SCHIP1: variants seen among roughly 807,000 people sequenced by gnomAD.
SCHIP1 encodes schwannomin-interacting protein 1.
SCHIP1 carries 8 observed loss-of-function variants against 29.7 expected under a neutral mutation model. The observed-to-expected ratio is 0.27, with a 90% CI of 0.16 to 0.49. The LOEUF (loss-of-function observed/expected upper bound fraction) is 0.49, where lower values mean the gene tolerates loss of function less well. Ranked by LOEUF, SCHIP1 falls within the 20% of genes least tolerant of loss-of-function variation. The pLI is 0.99. For missense variants in SCHIP1, 193 were observed against 294.6 expected, an observed-to-expected ratio of 0.66 and a Z score of 2.52; for synonymous variants, 76 against 94.9, an observed-to-expected ratio of 0.80 and a Z score of 1.16.
chr3:159,424,231 G>A, the SCHIP1 span, among the ~76,000 whole-genome samples: 1 of 152,022 alleles, frequency 6.6e-6, no homozygotes, highest in South Asian at 2.1e-4. Context: ...GGCTTCAGAT[G>A]ATCAAACTAC....
At chr3:159,873,199 AATGAGGCTGGAG>A (rs1239024485) in intron 2 of SCHIP1, among the ~76,000 whole-genome samples, 12 of 152,212 alleles carry the variant, frequency 7.9e-5, no homozygotes, top group African/African-American at 2.9e-4. Flanking sequence ...CCCAATTTTA[AATGAGGCTGGAG>A]ATTTAAAATT....
the SCHIP1 span, among the ~76,000 whole-genome samples, chr3:159,397,920 C>G: frequency 6.6e-6 from 1 of 152,222 alleles, no homozygotes; most frequent in African/African-American, 2.4e-5. Flanking sequence ...ACCCCTCCCC[C>G]AGCCTCGCTG....
the SCHIP1 span, among the ~76,000 whole-genome samples, chr3:159,408,502 C>A: frequency 6.6e-6 from 1 of 151,762 alleles, no homozygotes; most frequent in East Asian, 1.9e-4. Context: ...ACAACTGATA[C>A]TACAGAATGC....
the SCHIP1 span, among the ~76,000 whole-genome samples, chr3:159,584,065 C>T: frequency 1.3e-5 from 2 of 152,164 alleles, no homozygotes; most frequent in East Asian, 3.9e-4. Context: ...CTGATTCTAG[C>T]TTTCACATTT....
chr3:159,887,736 G>T (rs1167663775), exon 4 of SCHIP1: 1 of 1,613,994 alleles, frequency 6.2e-7, no homozygotes, highest in Non-Finnish European at 8.5e-7. Context: ...TATTCTGATA[G>T]AGACACTACT....
chr3:159,367,235 A>C, the SCHIP1 span, among the ~76,000 whole-genome samples: 1 of 152,138 alleles, frequency 6.6e-6, no homozygotes, highest in African/African-American at 2.4e-5. Context: ...TCTACTAAAA[A>C]TACAAAATAA....
At chr3:159,350,695 G>T in the SCHIP1 span, among the ~76,000 whole-genome samples, 9 of 151,938 alleles carry the variant, frequency 5.9e-5, no homozygotes, top group Admixed American at 2.0e-4. Flanking sequence ...ATAGCAAAAT[G>T]GTTACTATAG....
At chr3:159,467,999 T>G in the SCHIP1 span, among the ~76,000 whole-genome samples, 1 of 152,164 alleles carries the variant, frequency 6.6e-6, no homozygotes, top group Non-Finnish European at 1.5e-5. Context: ...AAGCCTCCAG[T>G]CAATGTGACC....
the SCHIP1 span, among the ~76,000 whole-genome samples, chr3:159,735,293 TATCTC>T: frequency 0.017 from 2,585 of 151,748 alleles, 90 homozygotes; most frequent in African/African-American, 0.059. Flanking sequence ...GCAGTGGTGT[TATCTC>T]AGCTCACTGC....
the SCHIP1 span, among the ~76,000 whole-genome samples, chr3:159,834,489 T>C: frequency 2.6e-5 from 4 of 152,202 alleles, no homozygotes; most frequent in Admixed American, 2.0e-4. Flanking sequence ...TGGCACATGA[T>C]AGGAGCTTGT....
the SCHIP1 span, among the ~76,000 whole-genome samples, chr3:159,506,820 G>A: frequency 6.6e-6 from 1 of 152,086 alleles, no homozygotes. Flanking sequence ...TGTTCCATTG[G>A]TCTATACCTC....
At chr3:159,275,428 C>A in the SCHIP1 span, among the ~76,000 whole-genome samples, 2 of 151,996 alleles carry the variant, frequency 1.3e-5, no homozygotes, top group African/African-American at 4.8e-5. Context: ...ACATTCTAAT[C>A]CAGAAGAATC....
the SCHIP1 span, among the ~76,000 whole-genome samples, chr3:159,393,338 T>A: frequency 6.6e-6 from 1 of 152,164 alleles, no homozygotes; most frequent in Non-Finnish European, 1.5e-5. Flanking sequence ...TTTGTCAATT[T>A]TGGCTTTTCT....
the SCHIP1 span, among the ~76,000 whole-genome samples, chr3:159,464,728 G>C: frequency 1.1e-4 from 17 of 152,094 alleles, no homozygotes; most frequent in African/African-American, 4.1e-4. Flanking sequence ...TGAATCAATT[G>C]AATGAAAGAG....
At chr3:159,408,608 A>G in the SCHIP1 span, among the ~76,000 whole-genome samples, 1 of 152,164 alleles carries the variant, frequency 6.6e-6, no homozygotes, top group Non-Finnish European at 1.5e-5. Context: ...CAACCTGAGC[A>G]GACCAATAGC....
chr3:159,679,530 G>C, the SCHIP1 span, among the ~76,000 whole-genome samples: 1 of 152,204 alleles, frequency 6.6e-6, no homozygotes, highest in Non-Finnish European at 1.5e-5. Flanking sequence ...TAGACAAAGG[G>C]AGATTTGGAG....
the SCHIP1 span, among the ~76,000 whole-genome samples, chr3:159,391,876 G>A: frequency 6.6e-6 from 1 of 152,116 alleles, no homozygotes; most frequent in Non-Finnish European, 1.5e-5. Flanking sequence ...GCAAGTTAAT[G>A]GCATAACAGC....
At chr3:159,607,284 ATCT>A in the SCHIP1 span, among the ~76,000 whole-genome samples, 2 of 152,144 alleles carry the variant, frequency 1.3e-5, no homozygotes, top group African/African-American at 4.8e-5. Flanking sequence ...TACACACCTT[ATCT>A]TCTTGATTTT....
At chr3:159,750,273 A>G in the SCHIP1 span, among the ~76,000 whole-genome samples, 2 of 10,144 alleles carry the variant, frequency 2.0e-4, no homozygotes, top group South Asian at 2.1e-3. Context: ...GTATATATAT[A>G]TATATATATA....
Sources: gnomAD v4.1 joint callset for allele counts (sites outside exome capture counted in the v4.1 genomes callset) on GRCh38, gnomAD v4.1.1 for gene constraint, MANE v1.5 for transcripts, NCBI Gene and HGNC (gene_info 2026-07-23, HGNC 2026-07-21) for gene names.